Variants in TRPC7 observed in about 807,000 individuals in gnomAD.
TRPC7 encodes transient receptor potential cation channel subfamily C member 7.
Under a neutral mutation model 90.1 loss-of-function variants are expected in TRPC7, and 42 were observed. The ratio of observed to expected loss-of-function variants is 0.47; its 90% CI spans 0.36 to 0.60. The LOEUF (loss-of-function observed/expected upper bound fraction) is 0.60, where lower values mean the gene tolerates loss of function less well. Ranked by LOEUF, TRPC7 falls within the 20% of genes least tolerant of loss-of-function variation. The pLI is 0.00. For missense variants in TRPC7, 955 were observed against 1,112.3 expected (o/e 0.86, Z 2.01); for synonymous variants, 451 against 436.3 (o/e 1.03, Z -0.42).
At chr5:136,244,191 C>G (rs1424497254) in intron 7 of TRPC7, among the ~76,000 whole-genome samples, 1 of 149,776 alleles carries the variant, frequency 6.7e-6, no homozygotes, top group Non-Finnish European at 1.5e-5. Flanking sequence ...CTTCCTTCCT[C>G]TCCCTCCTCC....
chr5:136,316,451 T>G (rs1248878132), intron 2 of TRPC7, among the ~76,000 whole-genome samples: 1 of 152,222 alleles, frequency 6.6e-6, no homozygotes, highest in Non-Finnish European at 1.5e-5. Flanking sequence ...TAACAGGATC[T>G]TTTCTTCCTA....
At chr5:136,361,989 GT>G (rs1310796773) in intron 1 of TRPC7, among the ~76,000 whole-genome samples, 1 of 152,028 alleles carries the variant, frequency 6.6e-6, no homozygotes, top group Non-Finnish European at 1.5e-5. Flanking sequence ...TTATACAAAT[GT>G]TCATGACAAT....
intron 2 of TRPC7, among the ~76,000 whole-genome samples, chr5:136,322,485 A>T (rs1003982514): frequency 5.9e-5 from 9 of 152,144 alleles, no homozygotes; most frequent in African/African-American, 1.9e-4. Flanking sequence ...CAAATTATGA[A>T]TGTTCTAATG....
In TRPC7 at chr5:136,244,203, CCTT is replaced by C. The variant is rs532765163; in HGVS notation, c.1844+3265_1844+3267del. Among the ~76,000 whole-genome samples, 83 of 151,388 alleles carry C rather than the reference CCTT, an allele frequency of 5.5e-4. 1 individual carries two copies. Among genetic ancestry groups the C allele is most frequent in the African/African-American group, 1.6e-3 (66 of 41,320 alleles). Reference sequence around the variant, plus strand: ...TTCCTTCCTTCCTCTCCCTCCTCCTCCTTCTTCTTCTTTTTTCTTTAATGAGGT... The same window carrying C: ...TTCCTTCCTTCCTCTCCCTCCTCCTCCTTCTTCTTTTTTCTTTAATGAGGT... On this transcript the variant is annotated intron_variant, in intron 7 of 11. Coordinates refer to ENST00000513104, the MANE Select transcript of TRPC7 (RefSeq NM_020389.3).
intron 2 of TRPC7, among the ~76,000 whole-genome samples, chr5:136,353,425 T>C (rs953382566): frequency 1.3e-5 from 2 of 152,188 alleles, no homozygotes; most frequent in African/African-American, 4.8e-5. Flanking sequence ...GATAGTTTTT[T>C]ACACAACTGA....
intron 3 of TRPC7, among the ~76,000 whole-genome samples, chr5:136,298,712 C>G (rs2149829420): frequency 6.6e-6 from 1 of 152,292 alleles, no homozygotes; most frequent in Admixed American, 6.5e-5. Flanking sequence ...TATTCCCAGG[C>G]TCCTCACCAA....
intron 3 of TRPC7, among the ~76,000 whole-genome samples, chr5:136,306,841 C>A (rs1321642525): frequency 6.6e-6 from 1 of 152,154 alleles, no homozygotes; most frequent in Non-Finnish European, 1.5e-5. Flanking sequence ...AGATCCACCC[C>A]TGCCCGCAAA....
intron 3 of TRPC7, among the ~76,000 whole-genome samples, chr5:136,275,619 G>C (rs746676178): frequency 2.6e-5 from 4 of 152,096 alleles, no homozygotes; most frequent in Non-Finnish European, 5.9e-5. Context: ...TCTTGGAACT[G>C]TTCTGCCCTA....
At chr5:136,241,309 A>G (rs1263029131) in intron 7 of TRPC7, among the ~76,000 whole-genome samples, 1 of 152,258 alleles carries the variant, frequency 6.6e-6, no homozygotes, top group Non-Finnish European at 1.5e-5. Context: ...TGACTTCACA[A>G]CAGCCTATAG....
At chr5:136,256,133 C>G (rs865972933) in intron 5 of TRPC7, among the ~76,000 whole-genome samples, 5 of 152,212 alleles carry the variant, frequency 3.3e-5, no homozygotes, top group Non-Finnish European at 1.5e-5. Context: ...TCCCTAGAGG[C>G]TAACACCGAT....
intron 5 of TRPC7, among the ~76,000 whole-genome samples, chr5:136,264,175 C>T (rs1195816034): frequency 7.2e-5 from 11 of 152,084 alleles, no homozygotes; most frequent in Non-Finnish European, 5.9e-5. Context: ...GAGACACATC[C>T]CTTATATTGG....
At chr5:136,341,592 G>A (rs1759850102) in intron 2 of TRPC7, among the ~76,000 whole-genome samples, 1 of 152,042 alleles carries the variant, frequency 6.6e-6, no homozygotes, top group Non-Finnish European at 1.5e-5. Context: ...TTAAGGAAGA[G>A]GAGCTTACTT....
chr5:136,218,840 C>T (rs1755359721), intron 10 of TRPC7, among the ~76,000 whole-genome samples: 1 of 152,148 alleles, frequency 6.6e-6, no homozygotes, highest in African/African-American at 2.4e-5. Flanking sequence ...TAAAAGTGAT[C>T]TTACTGACTC....
intron 2 of TRPC7, among the ~76,000 whole-genome samples, chr5:136,339,626 G>A (rs1221699998): frequency 6.6e-6 from 1 of 152,090 alleles, no homozygotes; most frequent in Non-Finnish European, 1.5e-5. Flanking sequence ...AAAAGGTCCT[G>A]TGTCCCCCAC....
At chr5:136,286,699 C>T (rs1332339282) in intron 3 of TRPC7, among the ~76,000 whole-genome samples, 1 of 152,204 alleles carries the variant, frequency 6.6e-6, no homozygotes, top group Non-Finnish European at 1.5e-5. Context: ...TTCCAAACCA[C>T]CAAGTTTTAT....
chr5:136,294,522 A>G (rs1758087934), intron 3 of TRPC7, among the ~76,000 whole-genome samples: 1 of 152,144 alleles, frequency 6.6e-6, no homozygotes, highest in Non-Finnish European at 1.5e-5. Context: ...TTATGCAGCC[A>G]AAAAACACAT....
intron 8 of TRPC7, among the ~76,000 whole-genome samples, chr5:136,230,350 A>G (rs1026006002): frequency 6.6e-6 from 1 of 152,242 alleles, no homozygotes; most frequent in African/African-American, 2.4e-5. Context: ...ACCTCTCAAC[A>G]GGCACCCCGT....
At position 136,231,410 on chromosome 5, in the gene TRPC7, C is replaced by T; in HGVS notation, c.1984G>A (p.Val662Ile). The change falls in exon 8 of 12, where the codon GTA (valine) becomes ATA (isoleucine). Residue 662 changes from valine (V) to isoleucine (I), a missense_variant. Physicochemically the swap from Val to Ile is conservative, Grantham distance 29. Coordinates refer to ENST00000513104, the MANE Select transcript of TRPC7 (RefSeq NM_020389.3). ...LYGVYNVTMV[V>I]VLLNMLIAMI... Reference sequence around the variant, plus strand: ...GCTATTAGCATGTTGAGCAACACTACCACCATGGTGACGTTATAAACGCCG... The same window carrying T: ...GCTATTAGCATGTTGAGCAACACTATCACCATGGTGACGTTATAAACGCCG... 6.2e-7 allele frequency: 1 copy of T among 1,612,348 alleles called. No individual in the cohort carries two copies.
At chr5:136,295,228 T>G (rs1471189236) in intron 3 of TRPC7, among the ~76,000 whole-genome samples, 3 of 152,152 alleles carry the variant, frequency 2.0e-5, no homozygotes, top group Non-Finnish European at 4.4e-5. Flanking sequence ...ACTTGGCACA[T>G]GTATACATAT....
Sources: gnomAD v4.1 joint callset for allele counts (sites outside exome capture counted in the v4.1 genomes callset) on GRCh38, gnomAD v4.1.1 for gene constraint, MANE v1.5 for transcripts, NCBI Gene and HGNC (gene_info 2026-07-23, HGNC 2026-07-21) for gene names.